Variants in GLIS3 observed in about 807,000 individuals in gnomAD.
GLIS3 encodes the protein GLIS family zinc finger 3.
Under a neutral mutation model 78.6 loss-of-function variants are expected in GLIS3, and 53 were observed. That is an observed-to-expected ratio of 0.67 (90% CI 0.54 to 0.85). GLIS3 has a LOEUF of 0.85. Ranked by LOEUF, GLIS3 falls within the 40% of genes least tolerant of loss-of-function variation. The pLI is 0.00. For synonymous variants in GLIS3, 684 were observed against 509.9 expected (o/e 1.34, Z -4.60); for missense variants, 1,703 against 1,231.1 (o/e 1.38, Z -5.74).
chr9:4,295,038 C>T (rs774917897), intron 1 of GLIS3, among the ~76,000 whole-genome samples: 4 of 152,152 alleles, frequency 2.6e-5, no homozygotes, highest in Non-Finnish European at 4.4e-5. Context: ...CCTTTCTCTA[C>T]TAGGAAAAAG....
At chr9:4,312,681 C>T (rs1361009851) in intron 2 of GLIS3, among the ~76,000 whole-genome samples, 1 of 152,218 alleles carries the variant, frequency 6.6e-6, no homozygotes, top group Non-Finnish European at 1.5e-5. Context: ...CCTTTTCTAT[C>T]CTTTCCCTCT....
chr9:3,957,007 C>A (rs1230028431), intron 4 of GLIS3, among the ~76,000 whole-genome samples: 1 of 152,216 alleles, frequency 6.6e-6, no homozygotes, highest in African/African-American at 2.4e-5. Context: ...CTGGAACTCG[C>A]AGCATGGCAT....
In GLIS3 at chr9:4,279,312, A is replaced by AT. The variant is rs1444484943; in HGVS notation, c.388+6725_388+6726insA. On this transcript the variant is annotated intron_variant, in intron 2 of 10. Coordinates refer to ENST00000381971, the MANE Select transcript of GLIS3 (RefSeq NM_001042413.2). ...GACTCCATCTCAAAAAAAAAAAAAA[A>AT]AAATATATATATACACACACACACA... 6.0e-3 allele frequency among the ~76,000 whole-genome samples: 507 copies of AT among 84,248 alleles called. 17 individuals carry two copies. Among genetic ancestry groups the AT allele is most frequent in the African/African-American group, 0.024 (469 of 19,710 alleles). 55.3% of individuals were successfully genotyped at this position (84,248 alleles called of 152,430 possible).
intron 6 of GLIS3, among the ~76,000 whole-genome samples, chr9:3,908,370 G>A (rs901586498): frequency 3.3e-5 from 5 of 152,164 alleles, no homozygotes; most frequent in African/African-American, 1.2e-4. Context: ...ACACCTGCAG[G>A]AAGGCTCATG....
At chr9:3,929,647 TTAAA>T (rs1266125086) in intron 6 of GLIS3, among the ~76,000 whole-genome samples, 1 of 152,174 alleles carries the variant, frequency 6.6e-6, no homozygotes, top group Admixed American at 6.5e-5. Context: ...GCAGGGTATA[TTAAA>T]TAAGCCCATG....
chr9:3,872,951 A>G (rs1311823562), intron 8 of GLIS3, among the ~76,000 whole-genome samples: 1 of 152,238 alleles, frequency 6.6e-6, no homozygotes, highest in Non-Finnish European at 1.5e-5. Context: ...AGAAACTAAA[A>G]AATATACAAA....
intron 4 of GLIS3, among the ~76,000 whole-genome samples, chr9:4,085,055 T>C (rs1828904609): frequency 6.6e-6 from 1 of 151,566 alleles, no homozygotes; most frequent in African/African-American, 2.4e-5. Flanking sequence ...ATACATAAAA[T>C]TATATACTCA....
the GLIS3 span, among the ~76,000 whole-genome samples, chr9:4,423,452 C>G: frequency 2.0e-5 from 3 of 152,060 alleles, no homozygotes; most frequent in Non-Finnish European, 2.9e-5. Context: ...CCACACCCCT[C>G]CCCCAGACCT....
At chr9:4,428,746 G>C in the GLIS3 span, among the ~76,000 whole-genome samples, 1 of 152,080 alleles carries the variant, frequency 6.6e-6, no homozygotes, top group Non-Finnish European at 1.5e-5. Flanking sequence ...GCCAAAGCAA[G>C]ATATTTCTAT....
chr9:4,280,339 G>T (rs903541005), intron 2 of GLIS3, among the ~76,000 whole-genome samples: 1 of 152,136 alleles, frequency 6.6e-6, no homozygotes, highest in African/African-American at 2.4e-5. Flanking sequence ...ATTTTAAAAT[G>T]TAACTATATA....
intron 6 of GLIS3, among the ~76,000 whole-genome samples, chr9:3,927,810 A>C (rs961761480): frequency 6.6e-6 from 1 of 152,230 alleles, no homozygotes; most frequent in African/African-American, 2.4e-5. Context: ...GGGTCTACCT[A>C]AAAGGGAAGC....
At chr9:3,904,511 GTC>G (rs1252135076) in intron 6 of GLIS3, among the ~76,000 whole-genome samples, 2 of 152,050 alleles carry the variant, frequency 1.3e-5, no homozygotes, top group African/African-American at 4.8e-5. Flanking sequence ...ATCTTGGTGA[GTC>G]TCTTTTTCTG....
intron 4 of GLIS3, among the ~76,000 whole-genome samples, chr9:4,036,855 C>T (rs567379753): frequency 1.1e-4 from 17 of 152,084 alleles, no homozygotes; most frequent in Non-Finnish European, 1.9e-4. Flanking sequence ...CTACTCCTTG[C>T]GTTTGAGTAT....
chr9:4,348,809 T>A (rs1348820503), upstream of GLIS3, among the ~76,000 whole-genome samples: 4 of 152,284 alleles, frequency 2.6e-5, no homozygotes, highest in East Asian at 7.7e-4. Context: ...AAGCTCAATA[T>A]GATTCCAACT....
chr9:4,249,602 C>CTCTT (rs998186201), intron 2 of GLIS3, among the ~76,000 whole-genome samples: 3 of 152,168 alleles, frequency 2.0e-5, no homozygotes, highest in East Asian at 3.9e-4. Context: ...TATTTGAACA[C>CTCTT]TCTTTCTTTC....
the GLIS3 span, among the ~76,000 whole-genome samples, chr9:4,445,769 G>A: frequency 1.2e-4 from 18 of 152,300 alleles, no homozygotes; most frequent in East Asian, 5.8e-4. Flanking sequence ...GCAGATGTCC[G>A]AATCCTTCTC....
At position 4,044,335 on chromosome 9, in the gene GLIS3, G is replaced by C. The variant is rs560389196; in HGVS notation, c.1710+73433C>G. Among the ~76,000 whole-genome samples the C allele has an allele frequency of 3.3e-5, 5 of 152,262 alleles. No homozygotes were observed. The South Asian group carries it at 1.0e-3, about 32-fold the overall frequency. On this transcript the variant is annotated intron_variant, in intron 4 of 10. Coordinates refer to ENST00000381971, the MANE Select transcript of GLIS3 (RefSeq NM_001042413.2). ...TATACAGATCTGTACGAAGACTGTA[G>C]GAGATATTAAGTAATCTCCCAACGC...
the GLIS3 span, among the ~76,000 whole-genome samples, chr9:4,424,105 C>T: frequency 1.3e-5 from 2 of 152,300 alleles, no homozygotes; most frequent in South Asian, 4.1e-4. Context: ...AGAAAACTCC[C>T]AATATCCTTG....
the GLIS3 span, among the ~76,000 whole-genome samples, chr9:4,362,568 C>T: frequency 6.6e-6 from 1 of 152,174 alleles, no homozygotes; most frequent in Admixed American, 6.6e-5. Flanking sequence ...ATGAATTTCC[C>T]TCAAAGTTGC....
Sources: gnomAD v4.1 joint callset for allele counts (sites outside exome capture counted in the v4.1 genomes callset) on GRCh38, gnomAD v4.1.1 for gene constraint, MANE v1.5 for transcripts, NCBI Gene and HGNC (gene_info 2026-07-23, HGNC 2026-07-21) for gene names.